The following SLC2A14 variants were observed in gnomAD, a reference collection of about 807,000 sequenced individuals.
The protein encoded by SLC2A14 is solute carrier family 2, facilitated glucose transporter member 14.
Under a neutral mutation model 43.0 loss-of-function variants are expected in SLC2A14, and 13 were observed. That is an observed-to-expected ratio of 0.30 (90% confidence interval 0.20 to 0.48). The LOEUF (loss-of-function observed/expected upper bound fraction) is 0.48. Ranked by LOEUF, SLC2A14 falls within the 20% of genes least tolerant of loss-of-function variation. SLC2A14 has a pLI of 0.99. For missense variants in SLC2A14, 428 were observed against 620.4 expected, an observed-to-expected ratio of 0.69 and a Z score of 3.29; for synonymous variants, 190 against 233.8, an observed-to-expected ratio of 0.81 and a Z score of 1.71.
chr12:7,827,093 TTC>T (rs1430533347), intron 7 of SLC2A14, among the ~76,000 whole-genome samples: 9 of 100,444 alleles, frequency 9.0e-5, no homozygotes, highest in African/African-American at 2.5e-4. Flanking sequence ...CTTTCTTTCT[TTC>T]TCTTTCTTTC....
chr12:7,836,005 A>G (rs1865419267), intron 2 of SLC2A14, among the ~76,000 whole-genome samples: 1 of 152,140 alleles, frequency 6.6e-6, no homozygotes, highest in East Asian at 1.9e-4. Context: ...TGAAGGGCCT[A>G]ATCCCAGCTC....
intron 1 of SLC2A14, among the ~76,000 whole-genome samples, chr12:7,879,728 G>A (rs918658453): frequency 6.6e-6 from 1 of 151,904 alleles, no homozygotes; most frequent in Non-Finnish European, 1.5e-5. Context: ...TTTTAGGCCA[G>A]GCACAGTGGC....
chr12:7,840,347 A>G (rs1427793244), intron 2 of SLC2A14, among the ~76,000 whole-genome samples: 2 of 151,884 alleles, frequency 1.3e-5, no homozygotes, highest in Non-Finnish European at 1.5e-5. Flanking sequence ...ATACATTTCT[A>G]CTGTTTATAG....
chr12:7,854,115 T>C (rs985987333), intron 2 of SLC2A14, among the ~76,000 whole-genome samples: 11 of 152,126 alleles, frequency 7.2e-5, no homozygotes, highest in African/African-American at 2.7e-4. Flanking sequence ...CATATATCTA[T>C]AGCCTGTCTT....
intron 1 of SLC2A14, 67 bp from the exon 2 acceptor site, chr12:7,870,004 G>T: frequency 1.0e-6 from 1 of 982,670 alleles, no homozygotes; most frequent in Non-Finnish European, 1.5e-6. Flanking sequence ...GGAAGAGGCT[G>T]TGATTTAGCC....
chr12:7,828,884 A>G lies in SLC2A14; in HGVS notation c.514-18T>C, dbSNP rs1864745957. 1.9e-6 allele frequency: 3 copies of G among 1,611,984 alleles called. No individual in the cohort carries two copies. Among genetic ancestry groups the G allele is most frequent in the Non-Finnish European group, 2.5e-6 (3 of 1,178,936 alleles). On this transcript the variant is annotated intron_variant, in intron 5 of 10. Transcript: ENST00000431042. Reference sequence around the variant, plus strand: ...CCAAAGATCTAGAAACCACACAAAGATAATGCTATAAACCCCATACTTCAC... The same window carrying G: ...CCAAAGATCTAGAAACCACACAAAGGTAATGCTATAAACCCCATACTTCAC...
At chr12:7,853,726 C>T (rs1007447507) in intron 2 of SLC2A14, among the ~76,000 whole-genome samples, 11 of 152,168 alleles carry the variant, frequency 7.2e-5, no homozygotes, top group African/African-American at 2.7e-4. Context: ...TAGTCCTTGG[C>T]ATCCTACCTT....
rs1863195472 is a variant in SLC2A14, at chr12:7,813,590, T to G, written c.*726A>C. The G allele has an allele frequency of 6.6e-6, 1 of 151,524 alleles. No homozygotes were observed. The highest frequency in any genetic ancestry group is 1.5e-5 in the Non-Finnish European group (1 of 67,916). 9.4% of individuals were successfully genotyped at this position (151,524 alleles called of 1,614,324 possible). ...ACAACTTTTCTGAGAAATCAAAGAG[T>G]TTCCATCTGAAGGACAGAAATTGTT... On this transcript the variant is annotated 3_prime_UTR_variant, in exon 11 of 11. Coordinates refer to ENST00000431042, the MANE Select transcript of SLC2A14 (RefSeq NM_001286234.2).
upstream of SLC2A14, chr12:7,873,136 C>T (rs894648039): frequency 1.0e-5 from 10 of 985,740 alleles, no homozygotes; most frequent in African/African-American, 1.4e-4. Context: ...CGAGCGCCCC[C>T]TCAGGCGTCT....
upstream of SLC2A14, among the ~76,000 whole-genome samples, chr12:7,876,272 C>T (rs1478101171): frequency 1.9e-5 from 1 of 53,376 alleles, no homozygotes; most frequent in African/African-American, 6.5e-5. Context: ...CAGAGCAAAA[C>T]TCCATCTCAA....
intron 1 of SLC2A14, among the ~76,000 whole-genome samples, chr12:7,880,715 G>A (rs11056284): frequency 0.065 from 1,767 of 27,106 alleles, 241 homozygotes; most frequent in Middle Eastern, 0.15. Context: ...AAAAAAAAAA[G>A]AGAGAAATTG....
intron 3 of SLC2A14, 39 bp downstream of exon 3, chr12:7,832,683 C>T (rs768967896): frequency 4.4e-6 from 7 of 1,598,252 alleles, no homozygotes; most frequent in Middle Eastern, 1.8e-4. Flanking sequence ...GGAATAATTT[C>T]CCTATTCCAG....
At chr12:7,889,812 A>G (rs2121131462) in intron 1 of SLC2A14, among the ~76,000 whole-genome samples, 1 of 152,314 alleles carries the variant, frequency 6.6e-6, no homozygotes, top group African/African-American at 2.4e-5. Flanking sequence ...CTGGGATTAC[A>G]GGCATGAGCC....
chr12:7,845,778 C>CAAA (rs35933580), intron 2 of SLC2A14, among the ~76,000 whole-genome samples: 3 of 104,114 alleles, frequency 2.9e-5, no homozygotes, highest in African/African-American at 7.7e-5. Flanking sequence ...GACTCCATCT[C>CAAA]AAAAAAAAAA....
chr12:7,886,605 A>G (rs1256204351), intron 1 of SLC2A14, among the ~76,000 whole-genome samples: 1 of 152,016 alleles, frequency 6.6e-6, no homozygotes, highest in Non-Finnish European at 1.5e-5. Flanking sequence ...CTCTAACTAA[A>G]CTAAGTAGTT....
intron 8 of SLC2A14, among the ~76,000 whole-genome samples, chr12:7,820,473 C>T (rs1247190024): frequency 6.6e-6 from 1 of 152,096 alleles, no homozygotes; most frequent in East Asian, 1.9e-4. Context: ...CCTGTGAGCT[C>T]TGATGCTATC....
At chr12:7,859,187 G>C (rs1187922388) in intron 2 of SLC2A14, among the ~76,000 whole-genome samples, 1 of 152,084 alleles carries the variant, frequency 6.6e-6, no homozygotes, top group East Asian at 1.9e-4. Flanking sequence ...TCAGGAGTTG[G>C]AGATCAGCCT....
At chr12:7,844,686 G>A (rs1040983274) in intron 2 of SLC2A14, among the ~76,000 whole-genome samples, 1 of 151,766 alleles carries the variant, frequency 6.6e-6, no homozygotes, top group African/African-American at 2.4e-5. Flanking sequence ...ACAGGCAAAT[G>A]CCACCACATC....
upstream of SLC2A14, among the ~76,000 whole-genome samples, chr12:7,874,794 T>TATACATATGTATATAA (rs1945395019): frequency 2.7e-5 from 1 of 36,734 alleles, no homozygotes; most frequent in African/African-American, 9.7e-5. Context: ...TATAAATATA[T>TATACATATGTATATAA]AAATAATATA....
Sources: gnomAD v4.1 joint callset for allele counts (sites outside exome capture counted in the v4.1 genomes callset) on GRCh38, gnomAD v4.1.1 for gene constraint, MANE v1.5 for transcripts, NCBI Gene and HGNC (gene_info 2026-07-23, HGNC 2026-07-21) for gene names.